Variants in MAGI2 observed in about 807,000 individuals in gnomAD.
MAGI2 encodes the protein membrane-associated guanylate kinase, WW and PDZ domain-containing protein 2.
In MAGI2, 35 loss-of-function variants were observed where a neutral mutation model predicts 133.3. The ratio of observed to expected loss-of-function variants is 0.26; its 90% CI spans 0.20 to 0.35. The LOEUF is 0.35. Among genes scored for constraint, MAGI2 ranks in the 10% least tolerant of loss-of-function variants. The pLI is 1.00. For synonymous variants in MAGI2, 729 were observed against 710.6 expected (o/e 1.03, Z -0.41); for missense variants, 1,636 against 1,863.4 (o/e 0.88, Z 2.25).
intron 9 of MAGI2, among the ~76,000 whole-genome samples, chr7:78,309,798 C>CTGA (rs1798546111): frequency 6.6e-6 from 1 of 152,124 alleles, no homozygotes; most frequent in South Asian, 2.1e-4. Flanking sequence ...TGCATGATCT[C>CTGA]TGATAAGCTG....
At chr7:78,141,910 A>G (rs1002036792) in intron 16 of MAGI2, among the ~76,000 whole-genome samples, 1 of 152,222 alleles carries the variant, frequency 6.6e-6, no homozygotes, top group East Asian at 1.9e-4. Flanking sequence ...AACACTCAGC[A>G]GCCATATATT....
chr7:78,658,095 C>T (rs1812505245), intron 2 of MAGI2, among the ~76,000 whole-genome samples: 1 of 152,110 alleles, frequency 6.6e-6, no homozygotes, highest in African/African-American at 2.4e-5. Context: ...TAGATTTCTC[C>T]ATGAAACTAT....
chr7:78,700,316 G>T (rs868108335), intron 2 of MAGI2, among the ~76,000 whole-genome samples: 3 of 152,114 alleles, frequency 2.0e-5, no homozygotes, highest in Non-Finnish European at 4.4e-5. Flanking sequence ...TGTTGTGGAT[G>T]TTTGTGAAAA....
intron 9 of MAGI2, among the ~76,000 whole-genome samples, chr7:78,330,052 T>G (rs1789007848): frequency 6.6e-6 from 1 of 152,228 alleles, no homozygotes; most frequent in Admixed American, 6.5e-5. Flanking sequence ...GATCTTTTCA[T>G]GTATCCATTA....
Position 78,679,990 on chromosome 7 carries a change from C to A in MAGI2, c.419-52751G>T, listed in dbSNP as rs545997438. Among the ~76,000 whole-genome samples, 29 of 152,160 alleles carry A rather than the reference C, an allele frequency of 1.9e-4. No individual in the cohort carries two copies. In the South Asian group the frequency reaches 5.4e-3, roughly 28 times the overall value. ...GACATTAATAAAACCAAGTCAAAAG[C>A]AAAATCAAAATCAAAAGCAAATAGT... On this transcript the variant is annotated intron_variant, in intron 2 of 21. Coordinates refer to ENST00000354212, the MANE Select transcript of MAGI2 (RefSeq NM_012301.4).
At chr7:78,371,946 T>C (rs1488745986) in intron 6 of MAGI2, among the ~76,000 whole-genome samples, 1 of 152,086 alleles carries the variant, frequency 6.6e-6, no homozygotes. Flanking sequence ...TTTGTTTCAT[T>C]TTAAATATTG....
chr7:79,042,610 C>T (rs1408365561), intron 1 of MAGI2, among the ~76,000 whole-genome samples: 1 of 152,144 alleles, frequency 6.6e-6, no homozygotes, highest in African/African-American at 2.4e-5. Flanking sequence ...TAGAGACTTA[C>T]AAAGACTTTG....
At chr7:78,633,284 G>T (rs1300972008) in intron 2 of MAGI2, among the ~76,000 whole-genome samples, 2 of 151,898 alleles carry the variant, frequency 1.3e-5, no homozygotes, top group East Asian at 3.9e-4. Flanking sequence ...GGAGCAAAAA[G>T]ATAACTATTG....
intron 1 of MAGI2, among the ~76,000 whole-genome samples, chr7:79,113,046 G>GA (rs539404099): frequency 7.4e-4 from 112 of 152,274 alleles, no homozygotes; most frequent in African/African-American, 2.6e-3. Context: ...AATTTACAAT[G>GA]CAGAGTTATT....
At chr7:78,522,486 CT>C (rs1370210408) in intron 3 of MAGI2, among the ~76,000 whole-genome samples, 1 of 152,164 alleles carries the variant, frequency 6.6e-6, no homozygotes, top group Admixed American at 6.5e-5. Flanking sequence ...TCAAGCAATT[CT>C]TGTGCCTCAG....
At position 78,477,503 on chromosome 7, in the gene MAGI2, T is replaced by C. The variant is rs189162503; in HGVS notation, c.1045+12258A>G. 3.3e-3 allele frequency among the ~76,000 whole-genome samples: 496 copies of C among 151,988 alleles called. 5 individuals are homozygous for C. The highest frequency in any genetic ancestry group is 0.012 in the African/African-American group (479 of 41,472). On this transcript the variant is annotated intron_variant, in intron 6 of 21. Transcript: ENST00000354212. The stretch of plus-strand genomic sequence containing the variant: ...GGAGAGAGGTTTAACTGTTTCACAG[T>C]TCCACATGGCTGGGGAGGCCTCACA...
intron 1 of MAGI2, among the ~76,000 whole-genome samples, chr7:79,300,201 T>C (rs1030195027): frequency 6.6e-6 from 1 of 152,304 alleles, no homozygotes; most frequent in East Asian, 1.9e-4. Flanking sequence ...TAGAAGAGTT[T>C]GGAGGGCTCA....
At chr7:78,592,204 T>C (rs1244581918) in intron 3 of MAGI2, among the ~76,000 whole-genome samples, 1 of 152,228 alleles carries the variant, frequency 6.6e-6, no homozygotes, top group Non-Finnish European at 1.5e-5. Context: ...ATGGAGAGAT[T>C]TCATTGCATA....
At chr7:79,191,186 T>C (rs1352550783) in intron 1 of MAGI2, among the ~76,000 whole-genome samples, 1 of 151,528 alleles carries the variant, frequency 6.6e-6, no homozygotes, top group African/African-American at 2.4e-5. Flanking sequence ...ACAGATCTCA[T>C]ATTTATTTTG....
rs150976040 is a variant in MAGI2 at position 79,011,338 on chromosome 7, A to T, written c.302-4132T>A. 9.4e-4 allele frequency among the ~76,000 whole-genome samples: 143 copies of T among 152,252 alleles called. 1 individual carries two copies. Among genetic ancestry groups the T allele is most frequent in the African/African-American group, 3.3e-3 (139 of 41,578 alleles). On this transcript the variant is annotated intron_variant, in intron 1 of 21. Transcript: ENST00000354212. Reference sequence around the variant, plus strand: ...GATGCTGCTTGGATTGGAGAGACATAATCTCCTTGGTATATTCCTTAAGGC... The same window carrying T: ...GATGCTGCTTGGATTGGAGAGACATTATCTCCTTGGTATATTCCTTAAGGC...
intron 1 of MAGI2, chr7:79,176,936 G>A (rs892276892): frequency 3.3e-5 from 5 of 151,870 alleles, no homozygotes; most frequent in African/African-American, 1.2e-4. Flanking sequence ...ACAAACAATC[G>A]CATAAGTTTA....
At chr7:78,081,413 C>CCCATTGAGCAAAGA (rs1815955697) in intron 20 of MAGI2, among the ~76,000 whole-genome samples, 1 of 152,180 alleles carries the variant, frequency 6.6e-6, no homozygotes, top group Non-Finnish European at 1.5e-5. Flanking sequence ...AAGGCTATTA[C>CCCATTGAGCAAAGA]TACTCAATGT....
At chr7:78,893,890 AG>A (rs1796986324) in intron 2 of MAGI2, among the ~76,000 whole-genome samples, 1 of 152,220 alleles carries the variant, frequency 6.6e-6, no homozygotes, top group African/African-American at 2.4e-5. Flanking sequence ...AATAAAAAAA[AG>A]AATTTCCAAA....
intron 1 of MAGI2, among the ~76,000 whole-genome samples, chr7:79,375,926 T>C (rs531019933): frequency 7.2e-5 from 11 of 152,070 alleles, no homozygotes; most frequent in Non-Finnish European, 4.4e-5. Flanking sequence ...ATGCTTTAAA[T>C]GACCAGAGAA....
Sources: gnomAD v4.1 joint callset for allele counts (sites outside exome capture counted in the v4.1 genomes callset) on GRCh38, gnomAD v4.1.1 for gene constraint, MANE v1.5 for transcripts, NCBI Gene and HGNC (gene_info 2026-07-23, HGNC 2026-07-21) for gene names.